Variants in LINGO2 observed in about 807,000 individuals in gnomAD.
LINGO2 encodes the protein leucine-rich repeat and immunoglobulin-like domain-containing nogo receptor-interacting protein 2.
In LINGO2, 14 loss-of-function variants were observed where a neutral mutation model predicts 30.6. The observed-to-expected ratio is 0.46, with a 90% confidence interval of 0.30 to 0.72. The LOEUF (loss-of-function observed/expected upper bound fraction) is 0.72. Ranked by LOEUF, LINGO2 falls within the 30% of genes least tolerant of loss-of-function variation. LINGO2 has a pLI of 0.07. For missense variants in LINGO2, 729 were observed against 751.7 expected, an observed-to-expected ratio of 0.97 and a Z score of 0.35; for synonymous variants, 317 against 288.5, an observed-to-expected ratio of 1.10 and a Z score of -1.00.
At chr9:28,399,424 A>G (rs1363239083) in intron 2 of LINGO2, among the ~76,000 whole-genome samples, 2 of 152,216 alleles carry the variant, frequency 1.3e-5, no homozygotes, top group South Asian at 2.1e-4. Flanking sequence ...TACATAAATT[A>G]TGACCCTTGT....
At chr9:28,780,830 ATGTG>A in the LINGO2 span, among the ~76,000 whole-genome samples, 2,034 of 127,428 alleles carry the variant, frequency 0.016, 19 homozygotes, top group East Asian at 0.028. Flanking sequence ...CTTGGTAGTA[ATGTG>A]TGTGTGTGTG....
At chr9:29,080,017 G>C in the LINGO2 span, among the ~76,000 whole-genome samples, 1 of 152,018 alleles carries the variant, frequency 6.6e-6, no homozygotes, top group Non-Finnish European at 1.5e-5. Flanking sequence ...GATGGAGTAA[G>C]TGACCTGCCA....
At chr9:28,310,253 T>A (rs183763012) in intron 3 of LINGO2, among the ~76,000 whole-genome samples, 1 of 152,154 alleles carries the variant, frequency 6.6e-6, no homozygotes, top group Non-Finnish European at 1.5e-5. Context: ...CCTAGAAACT[T>A]TTTTGGCAGT....
the LINGO2 span, among the ~76,000 whole-genome samples, chr9:28,949,727 A>C: frequency 6.6e-6 from 1 of 152,178 alleles, no homozygotes; most frequent in Non-Finnish European, 1.5e-5. Flanking sequence ...TCCAAACAAT[A>C]GAAAAAGAGG....
intron 3 of LINGO2, among the ~76,000 whole-genome samples, chr9:28,315,939 TTC>T (rs1170347703): frequency 2.0e-5 from 3 of 152,208 alleles, no homozygotes; most frequent in Non-Finnish European, 2.9e-5. Context: ...GGACCAGATC[TTC>T]TGAGTTTCAA....
At chr9:29,154,690 A>C in the LINGO2 span, among the ~76,000 whole-genome samples, 11 of 152,196 alleles carry the variant, frequency 7.2e-5, no homozygotes, top group African/African-American at 2.2e-4. Context: ...ACAAATATAC[A>C]TGCATTTTGT....
At chr9:28,738,809 G>T in the LINGO2 span, among the ~76,000 whole-genome samples, 1 of 151,864 alleles carries the variant, frequency 6.6e-6, no homozygotes, top group African/African-American at 2.4e-5. Flanking sequence ...ATACAGTCCA[G>T]TAGAGTCCAA....
chr9:28,283,061 G>T (rs1411396512), intron 4 of LINGO2, among the ~76,000 whole-genome samples: 2 of 152,112 alleles, frequency 1.3e-5, no homozygotes, highest in Non-Finnish European at 1.5e-5. Context: ...TTTGTAGATG[G>T]AACACATACC....
chr9:28,600,785 T>C (rs183719312), intron 1 of LINGO2, among the ~76,000 whole-genome samples: 119 of 152,196 alleles, frequency 7.8e-4, no homozygotes, highest in African/African-American at 2.7e-3. Context: ...GGCACGAGAA[T>C]AGCCTGTTCA....
At chr9:29,035,414 T>G in the LINGO2 span, among the ~76,000 whole-genome samples, 1 of 151,826 alleles carries the variant, frequency 6.6e-6, no homozygotes, top group Non-Finnish European at 1.5e-5. Context: ...ATTAGCCTAT[T>G]AAGAACAAAA....
intron 4 of LINGO2, among the ~76,000 whole-genome samples, chr9:28,067,850 G>A (rs1047491588): frequency 3.3e-5 from 5 of 152,020 alleles, no homozygotes; most frequent in Non-Finnish European, 7.4e-5. Flanking sequence ...GATACGTTGG[G>A]CATTCTAGTC....
At chr9:28,219,818 C>T (rs951935551) in intron 4 of LINGO2, among the ~76,000 whole-genome samples, 7 of 152,226 alleles carry the variant, frequency 4.6e-5, no homozygotes, top group South Asian at 2.1e-4. Context: ...ATGCTACATA[C>T]TATGTTTTCC....
the LINGO2 span, among the ~76,000 whole-genome samples, chr9:28,897,540 T>G: frequency 6.6e-5 from 10 of 152,088 alleles, no homozygotes; most frequent in Non-Finnish European, 5.9e-5. Context: ...TTGTTGTTGT[T>G]GTTTGTTTGT....
At chr9:28,264,448 TA>T (rs1185635803) in intron 4 of LINGO2, among the ~76,000 whole-genome samples, 1 of 151,988 alleles carries the variant, frequency 6.6e-6, no homozygotes, top group African/African-American at 2.4e-5. Flanking sequence ...TATAAATCCA[TA>T]AAGGCAAACT....
intron 4 of LINGO2, among the ~76,000 whole-genome samples, chr9:28,096,154 A>T (rs1001242205): frequency 7.2e-5 from 11 of 152,126 alleles, no homozygotes; most frequent in Admixed American, 2.0e-4. Context: ...ACAAACAAAC[A>T]AAAAGGATAG....
At chr9:28,876,074 A>G in the LINGO2 span, among the ~76,000 whole-genome samples, 8 of 152,106 alleles carry the variant, frequency 5.3e-5, no homozygotes, top group African/African-American at 1.9e-4. Flanking sequence ...CCATGTTAAC[A>G]TAACTCTGCT....
At chr9:28,430,886 G>A (rs1196349664) in intron 2 of LINGO2, among the ~76,000 whole-genome samples, 1 of 152,058 alleles carries the variant, frequency 6.6e-6, no homozygotes, top group African/African-American at 2.4e-5. Context: ...TAAAGAATCT[G>A]CTTCCCAAGC....
In LINGO2 at chr9:28,492,850, C is replaced by A. The variant is rs192741863; in HGVS notation, c.-364-16825G>T. 8.1e-3 allele frequency among the ~76,000 whole-genome samples: 1,232 copies of A among 152,014 alleles called. 14 individuals carry two copies. Among genetic ancestry groups the A allele is most frequent in the African/African-American group, 0.021 (891 of 41,452 alleles). ...AAAAGAAAAACAACAACAACAACAA[C>A]AAAAAAACGGTGAGGGGAGCGGGCG... On this transcript the variant is annotated intron_variant, in intron 1 of 5. Coordinates refer to ENST00000379992, the Ensembl canonical transcript of LINGO2.
intron 5 of LINGO2, among the ~76,000 whole-genome samples, chr9:27,969,580 G>A (rs12683441): frequency 0.019 from 2,877 of 152,116 alleles, 142 homozygotes; most frequent in East Asian, 0.19. Flanking sequence ...TTACCATTTT[G>A]TAGATAAGAA....
Sources: allele counts gnomAD v4.1 joint callset (sites outside exome capture counted in the v4.1 genomes callset), GRCh38; gene constraint gnomAD v4.1.1; transcripts MANE v1.5; gene names NCBI Gene and HGNC (gene_info 2026-07-23, HGNC 2026-07-21).